Variants in PPM1H observed in about 807,000 individuals in gnomAD.
PPM1H encodes the protein protein phosphatase, Mg2+/Mn2+ dependent 1H.
A neutral mutation model predicts 54.9 loss-of-function variants in PPM1H; 27 were observed. That is an observed-to-expected ratio of 0.49 (90% CI 0.36 to 0.68). PPM1H has a LOEUF of 0.68. Ranked by LOEUF, PPM1H falls within the 30% of genes least tolerant of loss-of-function variation. The probability of loss-of-function intolerance (pLI) is 0.00; values close to 1 mark genes in which losing one functional copy is unlikely to be tolerated. For synonymous variants in PPM1H, 305 were observed against 270.8 expected (o/e 1.13, Z -1.24); for missense variants, 596 against 667.8 (o/e 0.89, Z 1.19).
chr12:62,685,866 A>ATGGGAT (rs2076048173), intron 8 of PPM1H, among the ~76,000 whole-genome samples: 2 of 152,110 alleles, frequency 1.3e-5, no homozygotes, highest in South Asian at 2.1e-4. Context: ...AAAACGTTAC[A>ATGGGAT]CTATATCCCA....
chr12:62,933,607 T>C (rs945149693), intron 1 of PPM1H, among the ~76,000 whole-genome samples: 2 of 152,312 alleles, frequency 1.3e-5, no homozygotes, highest in Non-Finnish European at 2.9e-5. Context: ...TCCCGTTTCG[T>C]ACAGCTGAGG....
At chr12:62,687,888 A>G (rs986716791) in intron 8 of PPM1H, among the ~76,000 whole-genome samples, 1 of 151,966 alleles carries the variant, frequency 6.6e-6, no homozygotes, top group Admixed American at 6.6e-5. Flanking sequence ...GCCCACCTGT[A>G]ATCCCAGCTA....
At chr12:62,772,366 G>A (rs1037655169) in intron 4 of PPM1H, among the ~76,000 whole-genome samples, 3 of 152,158 alleles carry the variant, frequency 2.0e-5, no homozygotes, top group Admixed American at 2.0e-4. Context: ...CATAACCATT[G>A]CCCCATTCTG....
chr12:62,900,811 G>A (rs954801964), intron 1 of PPM1H, among the ~76,000 whole-genome samples: 4 of 152,256 alleles, frequency 2.6e-5, no homozygotes, highest in East Asian at 1.9e-4. Context: ...CTTAAGCCCC[G>A]GTGTCTGGTT....
chr12:62,913,347 G>T (rs546394704), intron 1 of PPM1H, among the ~76,000 whole-genome samples: 80 of 152,264 alleles, frequency 5.3e-4, no homozygotes, highest in African/African-American at 1.8e-3. Flanking sequence ...TGGAAGATGC[G>T]CACATTTTCA....
intron 5 of PPM1H, among the ~76,000 whole-genome samples, chr12:62,725,601 T>C (rs2076285525): frequency 6.6e-6 from 1 of 152,236 alleles, no homozygotes; most frequent in Admixed American, 6.5e-5. Context: ...TTTCTTTAGG[T>C]CTTCAATTTC....
At chr12:62,755,228 T>C in intron 4 of PPM1H, 1 of 698,806 alleles carries the variant, frequency 1.4e-6, no homozygotes. Context: ...GACACTACGG[T>C]GAAGGTGAAG....
At chr12:62,763,124 T>C (rs2076519738) in intron 4 of PPM1H, among the ~76,000 whole-genome samples, 1 of 152,172 alleles carries the variant, frequency 6.6e-6, no homozygotes, top group South Asian at 2.1e-4. Flanking sequence ...TGGCTCCCAA[T>C]ATGTGCTACC....
At chr12:62,929,364 C>T (rs1872063280) in intron 1 of PPM1H, among the ~76,000 whole-genome samples, 1 of 152,128 alleles carries the variant, frequency 6.6e-6, no homozygotes. Flanking sequence ...TTCAAGGGGA[C>T]AAGCTAACTA....
chr12:62,878,025 G>A (rs1870243081), intron 1 of PPM1H, among the ~76,000 whole-genome samples: 1 of 152,126 alleles, frequency 6.6e-6, no homozygotes, highest in Admixed American at 6.5e-5. Flanking sequence ...AGCCTCCTGA[G>A]TTGCTGAGAC....
Position 62,667,283 on chromosome 12 carries a change from A to G in PPM1H, c.1292T>C (p.Val431Ala). 6.2e-7 allele frequency: 1 copy of G among 1,607,376 alleles called. No homozygotes were observed. The highest frequency in any genetic ancestry group is 1.3e-5 in the African/African-American group (1 of 74,902). ...GAGTCCATCAGTGGCCAAGATCAGC[A>G]CATCATCTGATCCATGATCATATTT... ...LSKYDHGSDD[V>A]LILATDGLWD... The change falls in exon 9 of 10, where the codon GTG (valine) becomes GCG (alanine). Residue 431 changes from valine to alanine, a missense_variant. By Grantham distance (64) the Val-to-Ala change is moderately conservative. Transcript: ENST00000228705.
At chr12:62,868,696 C>T (rs887161224) in intron 1 of PPM1H, among the ~76,000 whole-genome samples, 4 of 152,172 alleles carry the variant, frequency 2.6e-5, no homozygotes, top group African/African-American at 7.2e-5. Context: ...ACTTGAGATA[C>T]GGAAGTGCCA....
At chr12:62,842,339 A>AT (rs982136210) in intron 1 of PPM1H, among the ~76,000 whole-genome samples, 1 of 152,054 alleles carries the variant, frequency 6.6e-6, no homozygotes, top group Non-Finnish European at 1.5e-5. Context: ...TAAACAAAAA[A>AT]TTTTTTTGAA....
At chr12:62,649,839 T>C (rs1216491852) in intron 9 of PPM1H, among the ~76,000 whole-genome samples, 1 of 152,180 alleles carries the variant, frequency 6.6e-6, no homozygotes, top group African/African-American at 2.4e-5. Flanking sequence ...TGAGACCAAC[T>C]CTGATAATGA....
At chr12:62,654,702 G>A (rs1380482059) in intron 9 of PPM1H, among the ~76,000 whole-genome samples, 2 of 152,178 alleles carry the variant, frequency 1.3e-5, no homozygotes, top group Non-Finnish European at 2.9e-5. Flanking sequence ...CTGAGTTGCT[G>A]CAGACCTGTA....
At chr12:62,898,403 G>A (rs1871060810) in intron 1 of PPM1H, among the ~76,000 whole-genome samples, 1 of 152,192 alleles carries the variant, frequency 6.6e-6, no homozygotes, top group East Asian at 1.9e-4. Context: ...ATTCAGTGTG[G>A]GGCGACAAAG....
intron 2 of PPM1H, among the ~76,000 whole-genome samples, chr12:62,817,137 GA>G (rs748440124): frequency 0.11 from 7,379 of 67,272 alleles, 182 homozygotes; most frequent in South Asian, 0.22. Context: ...AAAAAAAAAA[GA>G]AAAAAAAAAA....
chr12:62,907,956 C>T (rs1411070604), intron 1 of PPM1H, among the ~76,000 whole-genome samples: 1 of 152,198 alleles, frequency 6.6e-6, no homozygotes, highest in Non-Finnish European at 1.5e-5. Flanking sequence ...AGGGCAACAT[C>T]AATTAAGATA....
rs116779251 is a variant in PPM1H at position 62,680,507 on chromosome 12, G to C, written c.1245+9192C>G. Among the ~76,000 whole-genome samples the C allele has an allele frequency of 8.9e-3, 1,356 of 152,182 alleles. 23 individuals are homozygous for C. Among genetic ancestry groups the C allele is most frequent in the African/African-American group, 0.031 (1,294 of 41,522 alleles). ...GGGATTCTTAAACCACCCACTCTTA[G>C]AATATTTCCTCTCAGAATCCAGCTG... On this transcript the variant is annotated intron_variant, in intron 8 of 9. Transcript: ENST00000228705.
Sources: gnomAD v4.1 joint callset for allele counts (sites outside exome capture counted in the v4.1 genomes callset) on GRCh38, gnomAD v4.1.1 for gene constraint, MANE v1.5 for transcripts, NCBI Gene and HGNC (gene_info 2026-07-23, HGNC 2026-07-21) for gene names.